SYNE1: variants seen among roughly 807,000 people sequenced by gnomAD.
SYNE1 encodes the protein spectrin repeat containing nuclear envelope protein 1.
Under a neutral mutation model 1,111.0 loss-of-function variants are expected in SYNE1, and 616 were observed. The ratio of observed to expected loss-of-function variants is 0.55; its 90% CI spans 0.52 to 0.59. SYNE1 has a LOEUF of 0.59. Ranked by LOEUF, SYNE1 falls within the 20% of genes least tolerant of loss-of-function variation. The pLI is 0.00. For missense variants in SYNE1, 10,006 were observed against 10,417.0 expected (o/e 0.96, Z 1.72); for synonymous variants, 3,855 against 3,825.8 (o/e 1.01, Z -0.28).
intron 3 of SYNE1, among the ~76,000 whole-genome samples, chr6:152,554,069 C>T (rs936013350): frequency 2.0e-5 from 3 of 152,016 alleles, no homozygotes; most frequent in Admixed American, 2.0e-4. Flanking sequence ...GGGAGAGGCT[C>T]AGCTGTGAGT....
chr6:152,129,289 CTCG>C (rs1166515228), intron 145 of SYNE1: 1 of 152,248 alleles, frequency 6.6e-6, no homozygotes, highest in Non-Finnish European at 1.5e-5. Context: ...TTTCCCCCTT[CTCG>C]TCACTATCAT....
At chr6:152,484,038 C>CAAAAAAAAAAAA (rs773019397) in intron 13 of SYNE1, among the ~76,000 whole-genome samples, 576 of 53,442 alleles carry the variant, frequency 0.011, 36 homozygotes, top group Non-Finnish European at 0.017. Flanking sequence ...CTCATCTCTA[C>CAAAAAAAAAAAA]AAAAAAAAAA....
chr6:152,164,034 C>T (rs2063095250), intron 131 of SYNE1, 129 bp downstream of exon 131: 1 of 1,292,936 alleles, frequency 7.7e-7, no homozygotes, highest in African/African-American at 1.5e-5. Flanking sequence ...AGCCCCCTTC[C>T]TCACCAGTCC....
At chr6:152,283,401 A>G (rs527577830) in intron 96 of SYNE1, among the ~76,000 whole-genome samples, 12 of 152,340 alleles carry the variant, frequency 7.9e-5, no homozygotes, top group African/African-American at 2.6e-4. Flanking sequence ...CACAAGGCTC[A>G]TGTCTACCAA....
At position 152,449,399 on chromosome 6, in the gene SYNE1, G is replaced by A. The variant is rs1419078462; in HGVS notation, c.3504+134C>T. On this transcript the variant is annotated intron_variant, in intron 28 of 145. Coordinates refer to ENST00000367255, the MANE Select transcript of SYNE1 (RefSeq NM_182961.4). ...TACATGCTCCACAGTAATATAAGGG[G>A]ACTTATTTTAAAGACAATTTTCAAG... The A allele has an allele frequency of 1.7e-5, 12 of 719,144 alleles. 1 individual carries two copies. Among genetic ancestry groups the A allele is most frequent in the Non-Finnish European group, 3.0e-5 (12 of 405,704 alleles). The allele number at this position is 719,144 out of a possible 1,614,324, so 44.5% of individuals were successfully genotyped here. A position where few individuals can be genotyped will look rare whatever the true frequency, so the allele number is the denominator to read the frequency against.
Position 152,208,211 on chromosome 6 carries a change from T to G in SYNE1, c.22590-5A>C. On this transcript the variant is annotated splice_polypyrimidine_tract_variant and splice_region_variant and intron_variant, in intron 124 of 145. Coordinates refer to ENST00000367255, the MANE Select transcript of SYNE1 (RefSeq NM_182961.4). ...AATTTCAGGTTGAATTCATCCCTAGTGAAGAAATAATTACATGGTAAAAAA... is the reference window on the plus strand; with the variant it reads ...AATTTCAGGTTGAATTCATCCCTAGGGAAGAAATAATTACATGGTAAAAAA... 1 of 1,612,944 alleles carries G rather than the reference T, an allele frequency of 6.2e-7. No homozygotes were observed. The highest frequency in any genetic ancestry group is 8.5e-7 in the Non-Finnish European group (1 of 1,179,152).
At chr6:152,213,237 A>G (rs1188754310) in intron 123 of SYNE1, among the ~76,000 whole-genome samples, 2 of 152,228 alleles carry the variant, frequency 1.3e-5, no homozygotes, top group African/African-American at 2.4e-5. Context: ...TGATCAAAGC[A>G]TAGTCTCTTA....
rs1002023033 is a variant in SYNE1, at chr6:152,430,848, A to G, written c.4462-139T>C. 14 of 829,286 alleles carry G rather than the reference A, an allele frequency of 1.7e-5. No homozygotes were observed. The South Asian group carries it at 2.0e-4, about 12-fold the overall frequency. The allele number at this position is 829,286 out of a possible 1,614,324, so 51.4% of individuals were successfully genotyped here. A position where few individuals can be genotyped will look rare whatever the true frequency, so the allele number is the denominator to read the frequency against. Reference sequence around the variant, plus strand: ...GATGGTTAGAGCGCAGCTGTGAGCAAACACCATGTGTTTGGGGAGATGAGA... The same window carrying G: ...GATGGTTAGAGCGCAGCTGTGAGCAGACACCATGTGTTTGGGGAGATGAGA... On this transcript the variant is annotated intron_variant, in intron 34 of 145. Transcript: ENST00000367255.
chr6:152,616,161 A>G (rs1040485915), intron 3 of SYNE1, among the ~76,000 whole-genome samples: 11 of 152,220 alleles, frequency 7.2e-5, no homozygotes, highest in African/African-American at 2.7e-4. Context: ...TTAAATAACC[A>G]TGAAATCATC....
chr6:152,268,453 G>A (rs2092919063), intron 99 of SYNE1, among the ~76,000 whole-genome samples: 1 of 150,700 alleles, frequency 6.6e-6, no homozygotes, highest in African/African-American at 2.4e-5. Flanking sequence ...CCCTCAAGTG[G>A]TACAAAATGT....
intron 33 of SYNE1, chr6:152,434,422 C>T (rs112964890): frequency 0.025 from 3,985 of 157,956 alleles, 63 homozygotes; most frequent in Non-Finnish European, 0.035. Flanking sequence ...TCTTATCAAT[C>T]AAGACAGAGC....
In SYNE1 at chr6:152,566,985, CTGTGTGTGTGTGTGTGTG is replaced by C. The variant is rs59526151; in HGVS notation, c.68-26982_68-26965del. On this transcript the variant is annotated intron_variant, in intron 3 of 145. Coordinates refer to ENST00000367255, the MANE Select transcript of SYNE1 (RefSeq NM_182961.4). ...ACTAACATATTCATCTCTTCACATA[CTGTGTGTGTGTGTGTGTG>C]TGTGTGTGTGTGTGTGTGTGTATGC... Among the ~76,000 whole-genome samples, 18 of 146,648 alleles carry C rather than the reference CTGTGTGTGTGTGTGTGTG, an allele frequency of 1.2e-4. No individual in the cohort carries two copies. The East Asian group carries it at 3.6e-3, about 30-fold the overall frequency.
At chr6:152,130,644 T>A in intron 145 of SYNE1, 76 bp downstream of exon 145, 1 of 1,522,868 alleles carries the variant, frequency 6.6e-7, no homozygotes, top group South Asian at 1.1e-5. Flanking sequence ...CAGATATAGG[T>A]CAACCTAAGT....
chr6:152,466,006 T>A lies in SYNE1; in HGVS notation c.1705A>T (p.Met569Leu), dbSNP rs751334323. The change falls in exon 17 of 146, where the codon ATG (methionine) becomes TTG (leucine). Residue 569 changes from methionine (M) to leucine (L), a missense_variant. Transcript: ENST00000367255. ...TYQILKQTAE[M>L]YVKADGSVEE... ...CCTGAACCATCTGCTTTGACATACATCTCAGCTGTCTGTTTCAAGATCTGG... is the reference window on the plus strand; with the variant it reads ...CCTGAACCATCTGCTTTGACATACAACTCAGCTGTCTGTTTCAAGATCTGG... The A allele has an allele frequency of 6.2e-7, 1 of 1,612,750 alleles. No individual in the cohort carries two copies. Among genetic ancestry groups the A allele is most frequent in the East Asian group, 2.2e-5 (1 of 44,850 alleles).
At position 152,143,605 on chromosome 6, in the gene SYNE1, G is replaced by T. The variant is rs758938828; in HGVS notation, c.25119+18C>A. On this transcript the variant is annotated intron_variant, in intron 138 of 145. Transcript: ENST00000367255. ...GTGGTTTCGCACAGGTCGGAATCAG[G>T]ATGGCCAGGATACTTACGTAGCCTT... 138 of 1,614,016 alleles carry T rather than the reference G, an allele frequency of 8.6e-5. No homozygotes were observed. The East Asian group carries it at 3.0e-3, about 35-fold the overall frequency.
chr6:152,550,360 A>G (rs963425287), intron 3 of SYNE1, among the ~76,000 whole-genome samples: 1 of 152,172 alleles, frequency 6.6e-6, no homozygotes, highest in African/African-American at 2.4e-5. Context: ...TTAGAACTAT[A>G]TAAAGCAAAA....
intron 133 of SYNE1, 97 bp from the exon 134 acceptor site, chr6:152,152,238 AGTTACACT>A (rs2060558194): frequency 9.3e-7 from 1 of 1,070,738 alleles, no homozygotes; most frequent in Non-Finnish European, 1.4e-6. Context: ...GAGAATGGGA[AGTTACACT>A]ATCACAGAGG....
chr6:152,565,463 C>T (rs888677707), intron 3 of SYNE1, among the ~76,000 whole-genome samples: 3 of 152,176 alleles, frequency 2.0e-5, no homozygotes, highest in Admixed American at 6.5e-5. Flanking sequence ...TACTCTTTGG[C>T]ATTTACTGGC....
rs144982424 is a variant in SYNE1, at chr6:152,451,065, C to A, written c.3168G>T (p.Lys1056Asn). Residue 1056 changes from lysine to asparagine, a missense_variant, in exon 26 of 146, where the codon AAG becomes AAT. This residue lies in a region of SYNE1 where 1,971 missense variants were observed against 2,084.1 expected (regional missense o/e 0.95). Transcript: ENST00000367255. ...GACGTACCCTGTGCTCTTTAATTAT[C>A]TTTTCACTGCCTTCCTGGGGCATCA... ...TKLMPQEGSE[K>N]IIKEHRVFFS... 2.5e-6 allele frequency: 4 copies of A among 1,614,048 alleles called. No homozygotes were observed. In the African/African-American group the frequency reaches 5.3e-5, roughly 22 times the overall value.
Sources: gnomAD v4.1 joint callset for allele counts (sites outside exome capture counted in the v4.1 genomes callset) on GRCh38, gnomAD v4.1.1 for gene constraint, gnomAD v4.1.1 regional missense constraint, MANE v1.5 for transcripts, NCBI Gene and HGNC (gene_info 2026-07-23, HGNC 2026-07-21) for gene names.